The following DNAI7 variants were observed in gnomAD, a reference collection of about 807,000 sequenced individuals.
DNAI7 encodes the protein cancer susceptibility 1.
Under a neutral mutation model 86.6 loss-of-function variants are expected in DNAI7, and 78 were observed. That is an observed-to-expected ratio of 0.90 (90% CI 0.75 to 1.09). The LOEUF is 1.09. Among genes scored for constraint, DNAI7 ranks in the 50% least tolerant of loss-of-function variants. The probability of loss-of-function intolerance (pLI) is 0.00; values close to 1 mark genes in which losing one functional copy is unlikely to be tolerated. For missense variants in DNAI7, 753 were observed against 810.2 expected (o/e 0.93, Z 0.86); for synonymous variants, 274 against 273.0 (o/e 1.00, Z -0.04).
At position 25,144,621 on chromosome 12, in the gene DNAI7, A is replaced by T; in HGVS notation, c.746T>A (p.Leu249Ter). 1 of 1,614,066 alleles carries T rather than the reference A, an allele frequency of 6.2e-7. No individual in the cohort carries two copies. The change falls in exon 9 of 16, where the codon TTA becomes TAA. Residue 249 changes from leucine (L) to a stop codon, truncating the protein, a stop_gained. Coordinates refer to ENST00000395987, the MANE Select transcript of DNAI7 (RefSeq NM_018272.5). LOFTEE classifies it high-confidence loss of function. ...TQIGFEIPRILATSDIAVRLL... is the reference protein window; with the variant it reads ...TQIGFEIPRI Reference sequence around the variant, plus strand: ...TCGTACAGCAATGTCACTTGTTGCTAATATCCTTGGAATCTCAAATCCAAT... The same window carrying T: ...TCGTACAGCAATGTCACTTGTTGCTTATATCCTTGGAATCTCAAATCCAAT...
intron 9 of DNAI7, among the ~76,000 whole-genome samples, chr12:25,124,864 T>C (rs1017035807): frequency 3.3e-5 from 5 of 152,182 alleles, no homozygotes; most frequent in African/African-American, 1.2e-4. Flanking sequence ...CAAGTGAGAA[T>C]ATGTAGCATT....
At position 25,111,791 on chromosome 12, in the gene DNAI7, TA is replaced by T; in HGVS notation, c.1759del (p.Tyr587MetfsTer4). 1 of 1,587,966 alleles carries T rather than the reference TA, an allele frequency of 6.3e-7. No individual in the cohort carries two copies. Among genetic ancestry groups the T allele is most frequent in the Admixed American group, 1.8e-5 (1 of 54,062 alleles). Reference sequence around the variant, plus strand: ...TCTTGCCTTATTGTTTATAATAACATAAAAATGAGAGTGTCTAGTAGGAAAG... The same window carrying T: ...TCTTGCCTTATTGTTTATAATAACATAAAATGAGAGTGTCTAGTAGGAAAG... ...NIFPTRHSHF[Y>X]VIINNKVPLV... On this transcript the variant is annotated frameshift_variant, in exon 14 of 16. Transcript: ENST00000395987. LOFTEE classifies it high-confidence loss of function.
chr12:25,110,127 CT>C lies in DNAI7; in HGVS notation c.1892del (p.Lys631ArgfsTer2). The C allele has an allele frequency of 6.5e-7, 1 of 1,540,126 alleles. No homozygotes were observed. The highest frequency in any genetic ancestry group is 9.0e-7 in the Non-Finnish European group (1 of 1,113,518). Reference sequence around the variant, plus strand: ...TTTTATGGGTTTCTACATATCATACCTTAAATACGACTTTTGTAGAATTACA... The same window carrying C: ...TTTTATGGGTTTCTACATATCATACCTAAATACGACTTTTGTAGAATTACA... ...LLCNSTKVVF[K>X]VREHLTEACT... On this transcript the variant is annotated frameshift_variant and splice_region_variant, in exon 15 of 16. Transcript: ENST00000395987. LOFTEE classifies it low-confidence loss of function (END_TRUNC).
chr12:25,189,623 C>A (rs985278462), intron 2 of DNAI7, among the ~76,000 whole-genome samples: 1 of 152,160 alleles, frequency 6.6e-6, no homozygotes, highest in South Asian at 2.1e-4. Context: ...GCCTGGGTGT[C>A]AGAGTGAGAC....
chr12:25,121,453 T>C (rs1281241190), intron 11 of DNAI7, among the ~76,000 whole-genome samples: 1 of 152,202 alleles, frequency 6.6e-6, no homozygotes, highest in Non-Finnish European at 1.5e-5. Context: ...CAGAAAAAGT[T>C]TGCCAACCTC....
At chr12:25,161,377 A>C (rs1160540734) in intron 2 of DNAI7, among the ~76,000 whole-genome samples, 180 bp from the exon 3 acceptor site, 1 of 152,232 alleles carries the variant, frequency 6.6e-6, no homozygotes, top group African/African-American at 2.4e-5. Context: ...ACTGAAGGAC[A>C]AAGTCTGGGA....
Position 25,144,501 on chromosome 12 carries a change from T to C in DNAI7, c.866A>G (p.Asp289Gly). 6.2e-7 allele frequency: 1 copy of C among 1,614,164 alleles called. No individual in the cohort carries two copies. Residue 289 changes from aspartate to glycine, a missense_variant, in exon 9 of 16, where the codon GAT becomes GGT. Transcript: ENST00000395987. ...YTSAVTELVKDDVKNVEKAIS... is the reference protein window; with the variant it reads ...YTSAVTELVKGDVKNVEKAIS... ...TGCTTTTTCTACATTCTTAACATCATCTTTGACAAGCTCAGTTACTGCAGA... is the reference window on the plus strand; with the variant it reads ...TGCTTTTTCTACATTCTTAACATCACCTTTGACAAGCTCAGTTACTGCAGA...
At chr12:25,191,969 T>G (rs1182358369) in intron 1 of DNAI7, among the ~76,000 whole-genome samples, 3 of 152,194 alleles carry the variant, frequency 2.0e-5, no homozygotes, top group Non-Finnish European at 4.4e-5. Flanking sequence ...TGGGAAATAT[T>G]AGTTCAACCC....
At chr12:25,174,365 A>T (rs2141190504) in intron 2 of DNAI7, among the ~76,000 whole-genome samples, 1 of 496 alleles carries the variant, frequency 2.0e-3, no homozygotes. Context: ...TATATCCCAT[A>T]TATATGTTAT....
intron 3 of DNAI7, chr12:25,158,854 T>A: frequency 2.8e-6 from 1 of 354,994 alleles, no homozygotes; most frequent in Non-Finnish European, 5.2e-6. Flanking sequence ...TCATCACCAC[T>A]GGTCATCAGA....
intron 9 of DNAI7, among the ~76,000 whole-genome samples, chr12:25,130,389 T>G (rs974875781): frequency 6.7e-6 from 1 of 149,494 alleles, no homozygotes; most frequent in Non-Finnish European, 1.5e-5. Context: ...TACAAAAAAT[T>G]AGCCGGGCGC....
intron 2 of DNAI7, among the ~76,000 whole-genome samples, chr12:25,182,056 G>A (rs1469222262): frequency 6.8e-6 from 1 of 147,190 alleles, no homozygotes; most frequent in Admixed American, 6.8e-5. Context: ...TTTTCAAAGA[G>A]ACACCTGTAG....
intron 3 of DNAI7, 54 bp downstream of exon 3, chr12:25,161,059 A>G (rs1317481948): frequency 7.4e-7 from 1 of 1,352,824 alleles, no homozygotes; most frequent in Admixed American, 1.8e-5. Flanking sequence ...CAAAAGACCA[A>G]CCTATCGTGA....
At chr12:25,187,165 A>C (rs902758621) in intron 2 of DNAI7, among the ~76,000 whole-genome samples, 1 of 152,198 alleles carries the variant, frequency 6.6e-6, no homozygotes, top group Non-Finnish European at 1.5e-5. Context: ...GCTCCTGATT[A>C]ACCACGGTCT....
chr12:25,126,883 C>G (rs908146356), intron 9 of DNAI7, among the ~76,000 whole-genome samples: 2 of 152,114 alleles, frequency 1.3e-5, no homozygotes, highest in Non-Finnish European at 2.9e-5. Context: ...GAGTTTAGAC[C>G]AAACTGGCTT....
intron 2 of DNAI7, among the ~76,000 whole-genome samples, chr12:25,174,331 CATATATGATAT>C (rs1207671084): frequency 7.0e-4 from 28 of 39,902 alleles, no homozygotes; most frequent in Non-Finnish European, 1.1e-3. Flanking sequence ...GCATTTGTAT[CATATATGATAT>C]ATATATGATA....
At chr12:25,123,447 A>G (rs1354514185) in intron 9 of DNAI7, among the ~76,000 whole-genome samples, 161 bp from the exon 10 acceptor site, 1 of 152,246 alleles carries the variant, frequency 6.6e-6, no homozygotes, top group Non-Finnish European at 1.5e-5. Flanking sequence ...CTCAAAAGCA[A>G]TATTTTAACA....
chr12:25,183,608 A>AT (rs1392584242), intron 2 of DNAI7, among the ~76,000 whole-genome samples: 5 of 147,966 alleles, frequency 3.4e-5, no homozygotes, highest in Non-Finnish European at 7.5e-5. Context: ...TTTTTTTTTA[A>AT]TTTTTTACTT....
intron 9 of DNAI7, among the ~76,000 whole-genome samples, chr12:25,131,162 A>C (rs1282018605): frequency 4.9e-4 from 1 of 2,048 alleles, no homozygotes; most frequent in Non-Finnish European, 1.5e-3. Context: ...GTTTACCCCC[A>C]ACCAAAAAAA....
Sources: allele counts gnomAD v4.1 joint callset (sites outside exome capture counted in the v4.1 genomes callset), GRCh38; gene constraint gnomAD v4.1.1; transcripts MANE v1.5; gene names NCBI Gene and HGNC (gene_info 2026-07-23, HGNC 2026-07-21).